CEP112: variants seen among roughly 807,000 people sequenced by gnomAD.
CEP112 encodes the protein centrosomal protein of 112 kDa.
Under a neutral mutation model 153.0 loss-of-function variants are expected in CEP112, and 127 were observed. The observed-to-expected ratio is 0.83, with a 90% confidence interval of 0.72 to 0.96. CEP112 has a LOEUF of 0.96. Among genes scored for constraint, CEP112 ranks in the 40% least tolerant of loss-of-function variants. The pLI, the probability that CEP112 is intolerant of heterozygous loss-of-function variation, is 0.00. For missense variants in CEP112, 1,089 were observed against 1,101.2 expected (o/e 0.99, Z 0.16); for synonymous variants, 358 against 374.4 (o/e 0.96, Z 0.51).
chr17:66,026,944 T>A (rs895730292), intron 16 of CEP112, among the ~76,000 whole-genome samples: 1 of 152,224 alleles, frequency 6.6e-6, no homozygotes, highest in African/African-American at 2.4e-5. Flanking sequence ...CCAACTGTAC[T>A]CTTCACTCAT....
At chr17:66,118,516 G>A (rs535966061) in intron 6 of CEP112, among the ~76,000 whole-genome samples, 1 of 152,172 alleles carries the variant, frequency 6.6e-6, no homozygotes, top group African/African-American at 2.4e-5. Context: ...AAAAGAAAAT[G>A]AACTCATGGA....
chr17:65,735,924 T>C lies in CEP112; in HGVS notation c.2607+7144A>G, dbSNP rs74747690. ...AGATCATAAAGTGTTTTGTATGCCA[T>C]ATTGACAAGTATAGGTTTTATCCTG... is the stretch of plus-strand genomic sequence containing the variant. On this transcript the variant is annotated intron_variant, in intron 23 of 26. Transcript: ENST00000535342. Among the ~76,000 whole-genome samples, 1,516 of 152,326 alleles carry C rather than the reference T, an allele frequency of 1.0e-2. 25 individuals carry two copies. Among genetic ancestry groups the C allele is most frequent in the African/African-American group, 0.035 (1,435 of 41,582 alleles).
At chr17:65,752,589 C>A (rs1024205372) in intron 21 of CEP112, among the ~76,000 whole-genome samples, 2 of 152,178 alleles carry the variant, frequency 1.3e-5, no homozygotes, top group African/African-American at 4.8e-5. Context: ...GGGATGGGGG[C>A]AGTCTTGGGA....
chr17:65,950,879 G>T (rs1021062414), intron 18 of CEP112, among the ~76,000 whole-genome samples: 6 of 152,104 alleles, frequency 3.9e-5, no homozygotes, highest in African/African-American at 1.2e-4. Flanking sequence ...AGTTTTCATA[G>T]ATGTCCTTTA....
At chr17:65,924,138 G>A (rs998026662) in intron 19 of CEP112, among the ~76,000 whole-genome samples, 50 of 151,908 alleles carry the variant, frequency 3.3e-4, no homozygotes, top group African/African-American at 9.9e-4. Flanking sequence ...CACCATGCCC[G>A]GCTAATTTTT....
chr17:65,955,992 C>G (rs1350884680), intron 18 of CEP112, among the ~76,000 whole-genome samples: 1 of 152,112 alleles, frequency 6.6e-6, no homozygotes, highest in Non-Finnish European at 1.5e-5. Flanking sequence ...TACCCTACAA[C>G]AAATGGACTT....
At position 65,694,179 on chromosome 17, in the gene CEP112, T is replaced by C. The variant is rs140024667; in HGVS notation, c.2608-4961A>G. ...ACTTCCTTAGGGAAGTTTCCTAAAA[T>C]GAGAAGAGGTTCTAAAACCTGCCCT... On this transcript the variant is annotated intron_variant, in intron 23 of 26. Coordinates refer to ENST00000535342, the MANE Select transcript of CEP112 (RefSeq NM_001199165.4). Among the ~76,000 whole-genome samples, 974 of 152,190 alleles carry C rather than the reference T, an allele frequency of 6.4e-3. 7 individuals carry two copies. Among genetic ancestry groups the C allele is most frequent in the Non-Finnish European group, 9.3e-3 (630 of 68,010 alleles).
rs147239114 is a variant in CEP112 at position 65,652,089 on chromosome 17, A to G, written c.2698-11024T>C. ...CTAATGATCAGGAAAATGCAAATCA[A>G]AACCACAATGTGATCTCTTTTTATA... On this transcript the variant is annotated intron_variant, in intron 24 of 26. Transcript: ENST00000535342. Among the ~76,000 whole-genome samples, 900 of 152,368 alleles carry G rather than the reference A, an allele frequency of 5.9e-3. 5 individuals are homozygous for G. Among genetic ancestry groups the G allele is most frequent in the Non-Finnish European group, 8.5e-3 (575 of 68,038 alleles).
intron 4 of CEP112, among the ~76,000 whole-genome samples, chr17:66,144,019 T>C (rs894316088): frequency 6.6e-6 from 1 of 152,192 alleles, no homozygotes; most frequent in Non-Finnish European, 1.5e-5. Context: ...GAAAGAATAA[T>C]GCCTTCCTTT....
At chr17:65,901,370 A>G (rs1363302981) in intron 20 of CEP112, among the ~76,000 whole-genome samples, 1 of 152,194 alleles carries the variant, frequency 6.6e-6, no homozygotes, top group Non-Finnish European at 1.5e-5. Context: ...TTTCACAGCA[A>G]TCTCAAGAGG....
In CEP112 at chr17:65,739,401, T is replaced by G. The variant is rs541831143; in HGVS notation, c.2607+3667A>C. 1.7e-4 allele frequency among the ~76,000 whole-genome samples: 26 copies of G among 152,276 alleles called. No homozygotes were observed. The East Asian group carries it at 5.0e-3, about 29-fold the overall frequency. ...AGTAAATAAGTGATAAAGAAGATTTTTTTGCTCTTGATTTTTAAAAGATAG... is the reference window on the plus strand; with the variant it reads ...AGTAAATAAGTGATAAAGAAGATTTGTTTGCTCTTGATTTTTAAAAGATAG... On this transcript the variant is annotated intron_variant, in intron 23 of 26. Transcript: ENST00000535342.
chr17:66,037,601 TTC>T (rs1255066800), intron 12 of CEP112, among the ~76,000 whole-genome samples: 2 of 108,134 alleles, frequency 1.8e-5, no homozygotes, highest in African/African-American at 7.6e-5. Context: ...AGGATGATTT[TTC>T]TTATAATACT....
intron 8 of CEP112, among the ~76,000 whole-genome samples, chr17:66,088,835 C>T (rs1322609642): frequency 1.3e-5 from 2 of 152,090 alleles, no homozygotes; most frequent in Non-Finnish European, 1.5e-5. Flanking sequence ...CCCCTGCACA[C>T]TCAGGCCCCT....
intron 1 of CEP112, among the ~76,000 whole-genome samples, chr17:66,190,145 T>A (rs559159980): frequency 6.6e-6 from 1 of 151,158 alleles, no homozygotes; most frequent in Non-Finnish European, 1.5e-5. Flanking sequence ...GCCTGGCCAA[T>A]TAAAAACACA....
At chr17:65,994,207 T>C (rs1398509782) in intron 17 of CEP112, among the ~76,000 whole-genome samples, 1 of 152,144 alleles carries the variant, frequency 6.6e-6, no homozygotes, top group African/African-American at 2.4e-5. Context: ...AAGGACAGGA[T>C]TAGTGCAAGT....
intron 13 of CEP112, among the ~76,000 whole-genome samples, 199 bp downstream of exon 13, chr17:66,029,670 C>A (rs1389028020): frequency 2.0e-5 from 3 of 151,942 alleles, no homozygotes; most frequent in Non-Finnish European, 2.9e-5. Flanking sequence ...ACCACTGTAC[C>A]CCAGTCTGGG....
intron 12 of CEP112, among the ~76,000 whole-genome samples, chr17:66,051,271 C>A (rs1057441526): frequency 6.6e-6 from 1 of 151,350 alleles, no homozygotes; most frequent in African/African-American, 2.4e-5. Context: ...CTGAGTCCTT[C>A]TTTTTCGTTT....
intron 17 of CEP112, among the ~76,000 whole-genome samples, chr17:65,998,894 T>C (rs570804310): frequency 2.0e-5 from 3 of 152,238 alleles, no homozygotes; most frequent in African/African-American, 7.2e-5. Context: ...CCAGAGTCCA[T>C]GCTCTTAACC....
intron 23 of CEP112, among the ~76,000 whole-genome samples, chr17:65,718,154 C>A (rs232098): frequency 6.6e-6 from 1 of 151,992 alleles, no homozygotes; most frequent in African/African-American, 2.4e-5. Flanking sequence ...GCCTGTAATC[C>A]CAGCTTTTTG....
Sources: gnomAD v4.1 joint callset for allele counts (sites outside exome capture counted in the v4.1 genomes callset) on GRCh38, gnomAD v4.1.1 for gene constraint, MANE v1.5 for transcripts, NCBI Gene and HGNC (gene_info 2026-07-23, HGNC 2026-07-21) for gene names.